Variants in SNTG2 observed in about 807,000 individuals in gnomAD.
SNTG2 encodes the protein gamma-2-syntrophin.
SNTG2 carries 74 observed loss-of-function variants against 70.9 expected under a neutral mutation model. That is an observed-to-expected ratio of 1.04 (90% confidence interval 0.86 to 1.27). The LOEUF (loss-of-function observed/expected upper bound fraction) is 1.27. Among genes scored for constraint, SNTG2 ranks in the 50% most tolerant of loss-of-function variants. The pLI is 0.00. For synonymous variants in SNTG2, 278 were observed against 273.8 expected, an observed-to-expected ratio of 1.02 and a Z score of -0.15; for missense variants, 717 against 690.7, an observed-to-expected ratio of 1.04 and a Z score of -0.43.
chr2:1,058,789 A>G (rs1263570453), intron 1 of SNTG2, among the ~76,000 whole-genome samples: 3 of 152,234 alleles, frequency 2.0e-5, no homozygotes, highest in Non-Finnish European at 4.4e-5. Flanking sequence ...TACCTAACTA[A>G]TGGCACCTGT....
intron 6 of SNTG2, among the ~76,000 whole-genome samples, chr2:1,149,507 A>G (rs375271907): frequency 6.6e-6 from 1 of 152,124 alleles, no homozygotes; most frequent in African/African-American, 2.4e-5. Context: ...CAAAATTACC[A>G]AGACCTCTGT....
chr2:1,136,197 C>T (rs1668371217), intron 4 of SNTG2, among the ~76,000 whole-genome samples: 1 of 151,890 alleles, frequency 6.6e-6, no homozygotes, highest in South Asian at 2.1e-4. Context: ...TTCTGAGGCC[C>T]CGGCTTGAGA....
chr2:1,297,197 G>A (rs1333332910), intron 14 of SNTG2, among the ~76,000 whole-genome samples: 1 of 152,148 alleles, frequency 6.6e-6, no homozygotes, highest in Non-Finnish European at 1.5e-5. Context: ...CTCCCACCTT[G>A]TGTATCTGCA....
intron 1 of SNTG2, among the ~76,000 whole-genome samples, chr2:1,007,835 G>A (rs551228535): frequency 6.6e-6 from 1 of 152,256 alleles, no homozygotes; most frequent in East Asian, 1.9e-4. Flanking sequence ...GTGCAGTGGT[G>A]CGATCTCGGC....
At chr2:1,099,233 G>A (rs1414451192) in intron 4 of SNTG2, among the ~76,000 whole-genome samples, 1 of 149,010 alleles carries the variant, frequency 6.7e-6, no homozygotes, top group Non-Finnish European at 1.5e-5. Flanking sequence ...GGTCCGTGTC[G>A]GGGGGTGGGG....
chr2:1,289,719 G>C (rs183193152), intron 14 of SNTG2, among the ~76,000 whole-genome samples: 12 of 152,272 alleles, frequency 7.9e-5, no homozygotes, highest in African/African-American at 2.9e-4. Flanking sequence ...GTGGTGTTCA[G>C]CTGTCACCAC....
intron 4 of SNTG2, among the ~76,000 whole-genome samples, chr2:1,135,199 G>T (rs1668299762): frequency 6.6e-6 from 1 of 152,162 alleles, no homozygotes; most frequent in Admixed American, 6.5e-5. Context: ...GAAAACTCTA[G>T]ATACCATTCT....
chr2:1,043,370 C>G (rs549167158), intron 1 of SNTG2, among the ~76,000 whole-genome samples: 2 of 152,212 alleles, frequency 1.3e-5, no homozygotes, highest in African/African-American at 4.8e-5. Context: ...TGTAGGTTGT[C>G]TGTTTACTCT....
In SNTG2 at chr2:1,267,384, G is replaced by T. The variant is rs745659678; in HGVS notation, c.1097G>T (p.Cys366Phe). ...KVHKFWLTED[C>F]WLQANLYLGL... ...TTTCAGTTCTGGCTCACAGAGGACT[G>T]CTGGTTGCAAGCAAACTTGTATCTG... Residue 366 changes from cysteine to phenylalanine, a missense_variant, in exon 14 of 17, where the codon TGC (cysteine) becomes TTC (phenylalanine). Coordinates refer to ENST00000308624, the MANE Select transcript of SNTG2 (RefSeq NM_018968.4). 3.7e-6 allele frequency: 6 copies of T among 1,604,392 alleles called. No homozygotes were observed. The Admixed American group carries it at 1.0e-4, about 27-fold the overall frequency.
intron 1 of SNTG2, among the ~76,000 whole-genome samples, chr2:980,534 A>G (rs1661062543): frequency 6.6e-6 from 1 of 152,174 alleles, no homozygotes; most frequent in Non-Finnish European, 1.5e-5. Context: ...AGAGACAGTG[A>G]ACTTTTGGTT....
At position 1,083,519 on chromosome 2, in the gene SNTG2, C is replaced by T. The variant is rs757302617; in HGVS notation, c.74C>T (p.Thr25Met). The T allele has an allele frequency of 4.5e-5, 72 of 1,613,560 alleles. No individual in the cohort carries two copies. The South Asian group carries it at 6.2e-4, about 14-fold the overall frequency. ...TGTGTTTCCACTTTGTCCCTACAGA[C>T]GAAAACCACTATTGCTCTGTTGTAT... The part of the protein sequence containing the change: ...RQGCLLVPAR[T>M]KTTIALLYDE... Residue 25 changes from threonine to methionine, a missense_variant and splice_region_variant, in exon 2 of 17, where the codon ACG becomes ATG. Coordinates refer to ENST00000308624, the MANE Select transcript of SNTG2 (RefSeq NM_018968.4).
At chr2:1,254,366 G>C (rs1677929090) in intron 12 of SNTG2, among the ~76,000 whole-genome samples, 1 of 152,104 alleles carries the variant, frequency 6.6e-6, no homozygotes, top group Non-Finnish European at 1.5e-5. Context: ...TTTCTGATTT[G>C]TACATTAGAA....
intron 12 of SNTG2, among the ~76,000 whole-genome samples, chr2:1,258,383 A>C (rs1435588274): frequency 1.3e-5 from 2 of 152,228 alleles, no homozygotes; most frequent in Non-Finnish European, 2.9e-5. Flanking sequence ...CTCACTTTCA[A>C]ATTGTTCCCT....
intron 1 of SNTG2, among the ~76,000 whole-genome samples, chr2:1,012,754 G>C (rs1186672921): frequency 1.0e-5 from 1 of 95,396 alleles, no homozygotes; most frequent in Non-Finnish European, 2.4e-5. Flanking sequence ...GAGAAGGGTG[G>C]TCTGGAGAAG....
chr2:1,341,834 T>A (rs1262434760), intron 16 of SNTG2: 1 of 144,112 alleles, frequency 6.9e-6, no homozygotes, highest in African/African-American at 2.7e-5. Context: ...TTTTGTTTCC[T>A]AATTTTTATC....
At chr2:1,326,971 C>T (rs924962441) in intron 16 of SNTG2, among the ~76,000 whole-genome samples, 1 of 151,932 alleles carries the variant, frequency 6.6e-6, no homozygotes, top group Non-Finnish European at 1.5e-5. Context: ...TAAAATCACA[C>T]CCCCAAGTCT....
rs1553339083 is a variant in SNTG2 at position 1,149,217 on chromosome 2, G to GAGACACACACAC, written c.411+11409_411+11410insGACACACACACA. Among the ~76,000 whole-genome samples, 493 of 149,040 alleles carry GAGACACACACAC rather than the reference G, an allele frequency of 3.3e-3. 3 individuals carry two copies. The highest frequency in any genetic ancestry group is 4.3e-3 in the Non-Finnish European group (291 of 67,338). On this transcript the variant is annotated intron_variant, in intron 6 of 16. Coordinates refer to ENST00000308624, the MANE Select transcript of SNTG2 (RefSeq NM_018968.4). ...CGTGTGTGTGTGTGTGTGAGAGAGA[G>GAGACACACACAC]ACACACACACACGGGGAGCAGTGAG...
intron 9 of SNTG2, among the ~76,000 whole-genome samples, chr2:1,224,216 TGGG>T (rs1675600431): frequency 6.6e-6 from 1 of 152,198 alleles, no homozygotes; most frequent in Non-Finnish European, 1.5e-5. Flanking sequence ...ACTGAACGTT[TGGG>T]GAGCCACGTT....
intron 8 of SNTG2, among the ~76,000 whole-genome samples, chr2:1,186,245 C>T (rs549029309): frequency 8.5e-5 from 13 of 152,204 alleles, no homozygotes; most frequent in Non-Finnish European, 1.5e-4. Flanking sequence ...TCAGCCTGGA[C>T]TTCATTCACT....
Sources: allele counts gnomAD v4.1 joint callset (sites outside exome capture counted in the v4.1 genomes callset), GRCh38; gene constraint gnomAD v4.1.1; transcripts MANE v1.5; gene names NCBI Gene and HGNC (gene_info 2026-07-23, HGNC 2026-07-21).